Variants in SLURP1 observed in about 807,000 individuals in gnomAD.
SLURP1 encodes secreted LY6/PLAUR domain containing 1, also known as secreted Ly-6/uPAR-related protein 1.
A neutral mutation model predicts 7.9 loss-of-function variants in SLURP1; 2 were observed. The observed-to-expected ratio is 0.25, with a 90% CI of 0.10 to 0.79. The LOEUF (loss-of-function observed/expected upper bound fraction) is 0.79. SLURP1 is among the 30% of genes least tolerant of loss of function. The pLI, the probability that SLURP1 is intolerant of heterozygous loss-of-function variation, is 0.69. For missense variants in SLURP1, 111 were observed against 139.8 expected, an observed-to-expected ratio of 0.79 and a Z score of 1.04; for synonymous variants, 59 against 54.9, an observed-to-expected ratio of 1.07 and a Z score of -0.33.
rs1815859914 is a variant in SLURP1, at chr8:142,741,150, T to TG, written c.304_305insC (p.Glu102AlafsTer44). ...CGCCCTGCCGCCCTGGGTTCAGAGT[T>TG]CCGAGTTGCAGAGGTCTCGGAAGCA... On this transcript the variant is annotated frameshift_variant, in exon 3 of 3. Transcript: ENST00000246515. LOFTEE classifies it high-confidence loss of function. The surrounding 1 kb of genome is among the most constrained non-coding windows in gnomAD (Gnocchi z 4.3). 1 of 1,605,370 alleles carries TG rather than the reference T, an allele frequency of 6.2e-7. No individual in the cohort carries two copies. Among genetic ancestry groups the TG allele is most frequent in the Non-Finnish European group, 8.5e-7 (1 of 1,179,886 alleles).
At position 142,741,943 on chromosome 8, in the gene SLURP1, G is replaced by A. The variant is rs376718012; in HGVS notation, c.59-21C>T. The A allele has an allele frequency of 1.4e-4, 222 of 1,610,054 alleles. 1 individual carries two copies. Among genetic ancestry groups the A allele is most frequent in the Non-Finnish European group, 1.7e-4 (205 of 1,179,928 alleles). ...CTCACCTGGGTGAGGGATGGGGGCAGAACCTCATCACCTGACCTCGGTGGC... is the reference window on the plus strand; with the variant it reads ...CTCACCTGGGTGAGGGATGGGGGCAAAACCTCATCACCTGACCTCGGTGGC... On this transcript the variant is annotated intron_variant, in intron 1 of 2. Transcript: ENST00000246515. This position sits in a 1 kb window ranked among gnomAD's most constrained non-coding sequence, Gnocchi z 4.3.
rs1434484158 is a variant in SLURP1, at chr8:142,741,775, C to T, written c.178+28G>A. The T allele has an allele frequency of 3.7e-6, 6 of 1,607,224 alleles. No homozygotes were observed. In the African/African-American group the frequency reaches 6.7e-5, roughly 18 times the overall value. On this transcript the variant is annotated intron_variant, in intron 2 of 2. Coordinates refer to ENST00000246515, the MANE Select transcript of SLURP1 (RefSeq NM_020427.3). The surrounding 1 kb of genome is among the most constrained non-coding windows in gnomAD (Gnocchi z 4.3). ...GGAGGTGGCCCTGACTCCAGTGCAC[C>T]CAGGGCTGCCGTGGGGCCTGGCCTC...
rs1181208026 is a variant in SLURP1 at position 142,741,211 on chromosome 8, G to T, written c.244C>A (p.Pro82Thr). 3 of 1,610,198 alleles carry T rather than the reference G, an allele frequency of 1.9e-6. No homozygotes were observed. Among genetic ancestry groups the T allele is most frequent in the Non-Finnish European group, 2.5e-6 (3 of 1,179,890 alleles). Residue 82 changes from proline to threonine, a missense_variant, in exon 3 of 3, where the codon CCC (proline) becomes ACC (threonine). Transcript: ENST00000246515. The surrounding 1 kb of genome is among the most constrained non-coding windows in gnomAD (Gnocchi z 4.3). ...AGGTGGGCGGCCCCGATGCTGTCGG[G>T]GTCGGTGGCCACACAGGAGCTGGAG... is the stretch of plus-strand genomic sequence containing the variant. ...SCSSSCVATD[P>T]DSIGAAHLIF... is the part of the protein sequence containing the mutation.
chr8:142,741,783 G>T lies in SLURP1; in HGVS notation c.178+20C>A, dbSNP rs1168500429. 6 of 1,608,668 alleles carry T rather than the reference G, an allele frequency of 3.7e-6. No homozygotes were observed. The highest frequency in any genetic ancestry group is 3.3e-4 in the Middle Eastern group (2 of 6,080). ...CCCTGACTCCAGTGCACCCAGGGCT[G>T]CCGTGGGGCCTGGCCTCACCTGCCT... On this transcript the variant is annotated intron_variant, in intron 2 of 2. Transcript: ENST00000246515. This position sits in a 1 kb window ranked among gnomAD's most constrained non-coding sequence, Gnocchi z 4.3.
chr8:142,742,374 G>C lies in SLURP1; in HGVS notation c.12C>G (p.Arg4=). ...CCACGAGCAGCAGCTGCACAGCCCA[G>C]CGAGAGGCCATTGCTCCGTGCTCAG... MAS[R]WAVQLLLVAA... is the part of the protein sequence containing the mutation. Residue 4 remains arginine, a synonymous_variant, in exon 1 of 3, where the codon CGC becomes CGG. Coordinates refer to ENST00000246515, the MANE Select transcript of SLURP1 (RefSeq NM_020427.3). 3 of 1,612,980 alleles carry C rather than the reference G, an allele frequency of 1.9e-6. No homozygotes were observed. The highest frequency in any genetic ancestry group is 2.2e-5 in the East Asian group (1 of 44,886).
In SLURP1 at chr8:142,741,575, C is replaced by A. The variant is rs912549297; in HGVS notation, c.178+228G>T. 6.6e-6 allele frequency among the ~76,000 whole-genome samples: 1 copy of A among 152,186 alleles called. No homozygotes were observed. Among genetic ancestry groups the A allele is most frequent in the African/African-American group, 2.4e-5 (1 of 41,460 alleles). ...GGGGTTTGAGCCCCCCAGGGTACCC[C>A]GGCCATTAAGCCCCACCCACCTCCA... On this transcript the variant is annotated intron_variant, in intron 2 of 2. Coordinates refer to ENST00000246515, the MANE Select transcript of SLURP1 (RefSeq NM_020427.3). This position sits in a 1 kb window ranked among gnomAD's most constrained non-coding sequence, Gnocchi z 4.3.
In SLURP1 at chr8:142,741,315, C is replaced by T. The variant is rs755842578; in HGVS notation, c.179-39G>A. On this transcript the variant is annotated intron_variant, in intron 2 of 2. Transcript: ENST00000246515. The surrounding 1 kb of genome is among the most constrained non-coding windows in gnomAD (Gnocchi z 4.3). Reference sequence around the variant, plus strand: ...CAGTGTCAGAACCCTCACTCCCCTGCAGCGCCTGCCTGCTGCTGCACTGCT... The same window carrying T: ...CAGTGTCAGAACCCTCACTCCCCTGTAGCGCCTGCCTGCTGCTGCACTGCT... 11 of 1,547,244 alleles carry T rather than the reference C, an allele frequency of 7.1e-6. No individual in the cohort carries two copies. The highest frequency in any genetic ancestry group is 9.6e-6 in the Non-Finnish European group (11 of 1,151,548).
Position 142,741,191 on chromosome 8 carries a change from G to T in SLURP1, c.264C>A (p.Ala88=). 1 of 1,609,622 alleles carries T rather than the reference G, an allele frequency of 6.2e-7. No individual in the cohort carries two copies. ...VATDPDSIGA[A]HLIFCCFRDL... The stretch of plus-strand genomic sequence containing the variant: ...CTCGGAAGCAGCAGAAGATCAGGTG[G>T]GCGGCCCCGATGCTGTCGGGGTCGG... Residue 88 remains alanine (A), a synonymous_variant, in exon 3 of 3, where the codon GCC becomes GCA. Coordinates refer to ENST00000246515, the MANE Select transcript of SLURP1 (RefSeq NM_020427.3). The surrounding 1 kb of genome is among the most constrained non-coding windows in gnomAD (Gnocchi z 4.3).
At position 142,741,760 on chromosome 8, in the gene SLURP1, C is replaced by G. The variant is rs1177760821; in HGVS notation, c.178+43G>C. On this transcript the variant is annotated intron_variant, in intron 2 of 2. Transcript: ENST00000246515. This position sits in a 1 kb window ranked among gnomAD's most constrained non-coding sequence, Gnocchi z 4.3. ...AGGGAGGCACTTGGGGGAGGTGGCC[C>G]TGACTCCAGTGCACCCAGGGCTGCC... 1 of 1,604,184 alleles carries G rather than the reference C, an allele frequency of 6.2e-7. No individual in the cohort carries two copies. The highest frequency in any genetic ancestry group is 1.3e-5 in the African/African-American group (1 of 74,922).
At position 142,742,352 on chromosome 8, in the gene SLURP1, C is replaced by T. The variant is rs147076743; in HGVS notation, c.34G>A (p.Val12Met). The T allele has an allele frequency of 3.0e-5, 48 of 1,612,862 alleles. No individual in the cohort carries two copies. Among genetic ancestry groups the T allele is most frequent in the East Asian group, 6.7e-5 (3 of 44,898 alleles). ...CCACAGCCCATGCTCCAGGCTGCCACGAGCAGCAGCTGCACAGCCCAGCGA... is the reference window on the plus strand; with the variant it reads ...CCACAGCCCATGCTCCAGGCTGCCATGAGCAGCAGCTGCACAGCCCAGCGA... The part of the protein sequence containing the change: ...ASRWAVQLLL[V>M]AAWSMGCGEA... The change falls in exon 1 of 3, where the codon GTG (valine) becomes ATG (methionine). Residue 12 changes from valine to methionine, a missense_variant. Val to Met is a conservative substitution (Grantham distance 21). Coordinates refer to ENST00000246515, the MANE Select transcript of SLURP1 (RefSeq NM_020427.3).
rs1335760546 is a variant in SLURP1, at chr8:142,741,411, C to T, written c.179-135G>A. 3 of 1,231,520 alleles carry T rather than the reference C, an allele frequency of 2.4e-6. No individual in the cohort carries two copies. The Admixed American group carries it at 7.2e-5, about 30-fold the overall frequency. 76.3% of individuals were successfully genotyped at this position (1,231,520 alleles called of 1,614,324 possible). On this transcript the variant is annotated intron_variant, in intron 2 of 2. Coordinates refer to ENST00000246515, the MANE Select transcript of SLURP1 (RefSeq NM_020427.3). This position sits in a 1 kb window ranked among gnomAD's most constrained non-coding sequence, Gnocchi z 4.3. ...CCAATAGTCCACATCTGTGAAGCCA[C>T]CCAGGGCCCAGCCCTCCTCTGACTG...
chr8:142,741,242 G>T lies in SLURP1; in HGVS notation c.213C>A (p.Arg71=). 1 of 1,609,082 alleles carries T rather than the reference G, an allele frequency of 6.2e-7. No homozygotes were observed. Among genetic ancestry groups the T allele is most frequent in the Non-Finnish European group, 8.5e-7 (1 of 1,179,374 alleles). Residue 71 remains arginine (R), a synonymous_variant, in exon 3 of 3, where the codon CGC becomes CGA. Transcript: ENST00000246515. This position sits in a 1 kb window ranked among gnomAD's most constrained non-coding sequence, Gnocchi z 4.3. ...YPFNQSPVVT[R]SCSSSCVATD... ...TGGCCACACAGGAGCTGGAGCAGGA[G>T]CGGGTCACCACGGGGCTCTGGTTGA...
rs370378484 is a variant in SLURP1 at position 142,741,637 on chromosome 8, T to C, written c.178+166A>G. 3.9e-5 allele frequency among the ~76,000 whole-genome samples: 6 copies of C among 152,330 alleles called. No homozygotes were observed. The East Asian group carries it at 1.2e-3, about 29-fold the overall frequency. On this transcript the variant is annotated intron_variant, in intron 2 of 2. Transcript: ENST00000246515. The surrounding 1 kb of genome is among the most constrained non-coding windows in gnomAD (Gnocchi z 4.3). ...CCCAGGACTGGGTCTCTGAGGGGGC[T>C]GTGCCACCCTCGTGGAAGGCACCCC...
In SLURP1 at chr8:142,741,310, C is replaced by G; in HGVS notation, c.179-34G>C. 1.9e-6 allele frequency: 3 copies of G among 1,551,754 alleles called. No homozygotes were observed. Among genetic ancestry groups the G allele is most frequent in the Non-Finnish European group, 2.6e-6 (3 of 1,153,604 alleles). ...TGGGCCAGTGTCAGAACCCTCACTC[C>G]CCTGCAGCGCCTGCCTGCTGCTGCA... On this transcript the variant is annotated intron_variant, in intron 2 of 2. Coordinates refer to ENST00000246515, the MANE Select transcript of SLURP1 (RefSeq NM_020427.3). This position sits in a 1 kb window ranked among gnomAD's most constrained non-coding sequence, Gnocchi z 4.3.
At position 142,742,043 on chromosome 8, in the gene SLURP1, G is replaced by A; in HGVS notation, c.59-121C>T. Reference sequence around the variant, plus strand: ...TTCAAGGCCCCGGGCAGCCCTTCAAGGGGCCTCTCTGGCAGCTTTCTCTAA... The same window carrying A: ...TTCAAGGCCCCGGGCAGCCCTTCAAAGGGCCTCTCTGGCAGCTTTCTCTAA... On this transcript the variant is annotated intron_variant, in intron 1 of 2. Transcript: ENST00000246515. 4 of 1,490,380 alleles carry A rather than the reference G, an allele frequency of 2.7e-6. No individual in the cohort carries two copies. In the South Asian group the frequency reaches 3.6e-5, roughly 13 times the overall value. The allele number at this position is 1,490,380 out of a possible 1,614,324, so 92.3% of individuals were successfully genotyped here. A position where few individuals can be genotyped will look rare whatever the true frequency, so the allele number is the denominator to read the frequency against.
In SLURP1 at chr8:142,741,715, G is replaced by A. The variant is rs771127180; in HGVS notation, c.178+88C>T. ...CATCCCACCTGCTGCCTTTTGGGCC[G>A]GGAGGAGCACCAGCAAAGGAGGGAG... On this transcript the variant is annotated intron_variant, in intron 2 of 2. Coordinates refer to ENST00000246515, the MANE Select transcript of SLURP1 (RefSeq NM_020427.3). This position sits in a 1 kb window ranked among gnomAD's most constrained non-coding sequence, Gnocchi z 4.3. 9.5e-5 allele frequency: 151 copies of A among 1,590,614 alleles called. No individual in the cohort carries two copies. The highest frequency in any genetic ancestry group is 6.9e-4 in the Middle Eastern group (4 of 5,760).
chr8:142,741,983 A>G lies in SLURP1; in HGVS notation c.59-61T>C. Reference sequence around the variant, plus strand: ...ACCTCGGTGGCCTCATCCTGGAACCAGGAGGCAGGGGCTGAAGGAGTCTCG... The same window carrying G: ...ACCTCGGTGGCCTCATCCTGGAACCGGGAGGCAGGGGCTGAAGGAGTCTCG... On this transcript the variant is annotated intron_variant, in intron 1 of 2. Coordinates refer to ENST00000246515, the MANE Select transcript of SLURP1 (RefSeq NM_020427.3). The surrounding 1 kb of genome is among the most constrained non-coding windows in gnomAD (Gnocchi z 4.3). The G allele has an allele frequency of 6.2e-7, 1 of 1,601,432 alleles. No homozygotes were observed. The highest frequency in any genetic ancestry group is 8.5e-7 in the Non-Finnish European group (1 of 1,179,098).
chr8:142,742,273 G>A (rs1200515971), intron 1 of SLURP1, 55 bp downstream of exon 1: 1 of 1,571,804 alleles, frequency 6.4e-7, no homozygotes, highest in East Asian at 2.2e-5. Context: ...ATCCCCCTAG[G>A]AGGTGGGCAG....
intron 1 of SLURP1, 88 bp from the exon 2 acceptor site, chr8:142,742,010 T>G: frequency 6.3e-7 from 1 of 1,582,316 alleles, no homozygotes; most frequent in Non-Finnish European, 8.6e-7. Flanking sequence ...GGAGTCTCGC[T>G]GACATCTTTC....
Sources: gnomAD v4.1 joint callset for allele counts (sites outside exome capture counted in the v4.1 genomes callset) on GRCh38, gnomAD v4.1.1 for gene constraint, Gnocchi (gnomAD v3.1) non-coding constraint, MANE v1.5 for transcripts, NCBI Gene and HGNC (gene_info 2026-07-23, HGNC 2026-07-21) for gene names.